Variants in CDHR2 observed in about 807,000 individuals in gnomAD.
The protein encoded by CDHR2 is cadherin related family member 2.
Under a neutral mutation model 138.6 loss-of-function variants are expected in CDHR2, and 104 were observed. The ratio of observed to expected loss-of-function variants is 0.75; its 90% CI spans 0.64 to 0.88. CDHR2 has a LOEUF of 0.88. CDHR2 is among the 40% of genes least tolerant of loss of function. CDHR2 has a pLI of 0.00. For synonymous variants in CDHR2, 755 were observed against 742.8 expected (o/e 1.02, Z -0.27); for missense variants, 1,624 against 1,727.6 (o/e 0.94, Z 1.06).
chr5:176,589,559 G>T lies in CDHR2; in HGVS notation c.3149G>T (p.Arg1050Leu). 1 of 1,614,080 alleles carries T rather than the reference G, an allele frequency of 6.2e-7. No individual in the cohort carries two copies. Among genetic ancestry groups the T allele is most frequent in the South Asian group, 1.1e-5 (1 of 91,090 alleles). ...ACCGTGGACCAGAGTTACCGCTCGC[G>T]GCTGCAGTTCTCCACACCGAAGGAG... Reference protein sequence around the residue: ...LFTVDQSYRSRLQFSTPKEEV... With the variant: ...LFTVDQSYRSLLQFSTPKEEV... Residue 1050 changes from arginine to leucine, a missense_variant, in exon 24 of 32, where the codon CGG becomes CTG. Transcript: ENST00000261944.
At chr5:176,585,090 T>C in intron 19 of CDHR2, 75 bp downstream of exon 19, 1 of 1,446,486 alleles carries the variant, frequency 6.9e-7, no homozygotes, top group African/African-American at 1.4e-5. Flanking sequence ...GGGCTGGAAC[T>C]CACAAGGTCT....
chr5:176,551,552 G>A (rs1374801446), intron 1 of CDHR2, among the ~76,000 whole-genome samples: 2 of 152,122 alleles, frequency 1.3e-5, no homozygotes, highest in Non-Finnish European at 2.9e-5. Context: ...GTGCAGTGGC[G>A]CGATCTCGGC....
chr5:176,595,562 C>A lies in CDHR2; in HGVS notation c.3823C>A (p.Pro1275Thr). ...CAGGCCACCACACACACCACCAGAG[C>A]CAGATCCAGAGCCCCTGAGCGTGGT... The part of the protein sequence containing the change: ...EHRPPHTPPE[P>T]DPEPLSVVLL... The change falls in exon 32 of 32, where the codon CCA (proline) becomes ACA (threonine). Residue 1275 changes from proline to threonine, a missense_variant. This residue lies in a region of CDHR2 where 556 missense variants were observed against 565.7 expected (regional missense o/e 0.98). Coordinates refer to ENST00000261944, the MANE Select transcript of CDHR2 (RefSeq NM_017675.6). 2 of 1,611,260 alleles carry A rather than the reference C, an allele frequency of 1.2e-6. No homozygotes were observed. Among genetic ancestry groups the A allele is most frequent in the Middle Eastern group, 1.7e-4 (1 of 6,042 alleles).
rs779101941 is a variant in CDHR2 at position 176,575,812 on chromosome 5, G to A, written c.933G>A (p.Ala311=). The A allele has an allele frequency of 2.4e-5, 38 of 1,553,148 alleles. 1 individual carries two copies. The highest frequency in any genetic ancestry group is 1.2e-4 in the East Asian group (5 of 41,126). ...GSLDREQLLE[A]DEEVQLQVTA... is the part of the protein sequence containing the mutation. ...TGGACCGTGAGCAGCTGCTGGAGGCGGATGAGGAGGTGCAGCTGCAGGTCA... is the reference window on the plus strand; with the variant it reads ...TGGACCGTGAGCAGCTGCTGGAGGCAGATGAGGAGGTGCAGCTGCAGGTCA... Residue 311 remains alanine, a synonymous_variant, in exon 11 of 32, where the codon GCG becomes GCA. Transcript: ENST00000261944.
At chr5:176,567,605 C>T (rs1758114365) in intron 3 of CDHR2, among the ~76,000 whole-genome samples, 1 of 152,150 alleles carries the variant, frequency 6.6e-6, no homozygotes, top group Non-Finnish European at 1.5e-5. Context: ...AATTCTCCTG[C>T]CTCAGCCTCC....
Position 176,575,593 on chromosome 5 carries a change from G to C in CDHR2, c.844+12G>C, listed in dbSNP as rs760127288. 1 of 1,613,822 alleles carries C rather than the reference G, an allele frequency of 6.2e-7. No homozygotes were observed. Among genetic ancestry groups the C allele is most frequent in the South Asian group, 1.1e-5 (1 of 91,086 alleles). ...CTACAGCATCTCCTGTGAGAACGGGGTGTCCCCAGGCCAGGGCTGGGCCGG... is the reference window on the plus strand; with the variant it reads ...CTACAGCATCTCCTGTGAGAACGGGCTGTCCCCAGGCCAGGGCTGGGCCGG... On this transcript the variant is annotated intron_variant, in intron 10 of 31. Transcript: ENST00000261944.
chr5:176,542,980 G>C (rs1298802977), intron 1 of CDHR2, among the ~76,000 whole-genome samples: 1 of 152,134 alleles, frequency 6.6e-6, no homozygotes, highest in African/African-American at 2.4e-5. Context: ...CTCGCCGGGG[G>C]TGGCGGTCGG....
intron 1 of CDHR2, among the ~76,000 whole-genome samples, chr5:176,554,284 G>C (rs1342999767): frequency 1.3e-5 from 2 of 152,202 alleles, no homozygotes; most frequent in African/African-American, 2.4e-5. Context: ...TCAGACCCTG[G>C]GGAGCGTGGA....
chr5:176,583,574 A>G (rs558777143), intron 17 of CDHR2, among the ~76,000 whole-genome samples: 1 of 152,208 alleles, frequency 6.6e-6, no homozygotes, highest in East Asian at 1.9e-4. Context: ...AGGCTGTGAC[A>G]ATAGTTGCAG....
At position 176,591,248 on chromosome 5, in the gene CDHR2, A is replaced by T. The variant is rs1323158491; in HGVS notation, c.3578A>T (p.Glu1193Val). 6.2e-7 allele frequency: 1 copy of T among 1,614,016 alleles called. No individual in the cohort carries two copies. The stretch of plus-strand genomic sequence containing the variant: ...CTTCAAGCTATGAAGGCTGCCAAGG[A>T]GGCCAGGAAGACAGCAGCAGGGGTG... Reference protein sequence around the residue: ...RKLQAMKAAKEARKTAAGVMP... With the variant: ...RKLQAMKAAKVARKTAAGVMP... The change falls in exon 29 of 32, where the codon GAG (glutamate) becomes GTG (valine). Residue 1193 changes from glutamate (E) to valine (V), a missense_variant. Glu to Val is a moderately radical substitution (Grantham distance 121, BLOSUM62 -2). Transcript: ENST00000261944.
chr5:176,546,981 CT>C (rs10719326), upstream of CDHR2, among the ~76,000 whole-genome samples: 126,760 of 136,356 alleles, frequency 0.93, 59,339 homozygotes, highest in South Asian at 0.99. Flanking sequence ...TCTTTTTGGT[CT>C]TTTTTTTTTT....
rs374600848 is a variant in CDHR2 at position 176,588,135 on chromosome 5, C to T, written c.2857-896C>T. On this transcript the variant is annotated intron_variant, in intron 21 of 31. Coordinates refer to ENST00000261944, the MANE Select transcript of CDHR2 (RefSeq NM_017675.6). ...GTCTACTAGGGGAATTGGTACTCCC[C>T]GCACGGAAATGAGGGATCCCAGGGG... 2.6e-5 allele frequency among the ~76,000 whole-genome samples: 4 copies of T among 152,246 alleles called. No individual in the cohort carries two copies. The South Asian group carries it at 6.2e-4, about 24-fold the overall frequency.
chr5:176,584,532 G>C lies in CDHR2; in HGVS notation c.2251G>C (p.Ala751Pro). The change falls in exon 19 of 32, where the codon GCT becomes CCT. Residue 751 changes from alanine to proline, a missense_variant. Coordinates refer to ENST00000261944, the MANE Select transcript of CDHR2 (RefSeq NM_017675.6). ...YFMIRGLVLG[A>P]GWAEGYLRLP... ...CATGATCCGAGGCTTGGTGCTGGGG[G>C]CTGGGTGGGCTGAGGGCTACCTCCG... 15 of 1,613,386 alleles carry C rather than the reference G, an allele frequency of 9.3e-6. No individual in the cohort carries two copies. Among genetic ancestry groups the C allele is most frequent in the Non-Finnish European group, 1.2e-5 (14 of 1,179,592 alleles).
rs999330008 is a variant in CDHR2, at chr5:176,575,853, C to T, written c.960+14C>T. On this transcript the variant is annotated intron_variant, in intron 11 of 31. Transcript: ENST00000261944. Reference sequence around the variant, plus strand: ...CTGCAGGTCACGGTGAGCAAAGGCCCCACCACCCCTGTCAGAACCCTGCTC... The same window carrying T: ...CTGCAGGTCACGGTGAGCAAAGGCCTCACCACCCCTGTCAGAACCCTGCTC... 2 of 1,543,456 alleles carry T rather than the reference C, an allele frequency of 1.3e-6. No homozygotes were observed. Among genetic ancestry groups the T allele is most frequent in the African/African-American group, 2.7e-5 (2 of 72,906 alleles).
At chr5:176,548,604 G>A (rs1252187269), upstream of CDHR2, among the ~76,000 whole-genome samples, 3 of 152,186 alleles carry the variant, frequency 2.0e-5, no homozygotes, top group South Asian at 6.2e-4. Context: ...TTAGCCGGGT[G>A]TGGAGGCCCA....
chr5:176,587,727 G>C (rs994387963), intron 21 of CDHR2, among the ~76,000 whole-genome samples: 4 of 152,158 alleles, frequency 2.6e-5, no homozygotes, highest in African/African-American at 9.7e-5. Context: ...AAAGGACATG[G>C]GTACAAGAGA....
rs1757517039 is a variant in CDHR2 at position 176,543,756 on chromosome 5, C to T, written c.-16+987C>T. The T allele has an allele frequency of 6.6e-6, 1 of 152,206 alleles. No individual in the cohort carries two copies. Among genetic ancestry groups the T allele is most frequent in the Non-Finnish European group, 1.5e-5 (1 of 68,050 alleles). The allele number at this position is 152,206 out of a possible 1,614,324, so 9.4% of individuals were successfully genotyped here. A position where few individuals can be genotyped will look rare whatever the true frequency, so the allele number is the denominator to read the frequency against. On this transcript the variant is annotated intron_variant, in intron 1 of 31. Coordinates refer to the CDHR2 transcript ENST00000510636. This position sits in a 1 kb window ranked among gnomAD's most constrained non-coding sequence, Gnocchi z 4.0. ...GTCTGGGGTCAGCAGATCTTGGTTC[C>T]CCGCTTTGGGCCATTCTCTGACCCT...
chr5:176,584,964 C>T lies in CDHR2; in HGVS notation c.2683C>T (p.Arg895Trp), dbSNP rs760000185. Residue 895 changes from arginine (R) to tryptophan (W), a missense_variant, in exon 19 of 32, where the codon CGG becomes TGG. Arg to Trp is a moderately radical substitution (Grantham distance 101, BLOSUM62 -3). Around this residue, in one of 3 missense-constraint regions of CDHR2, gnomAD observed 556 missense variants for 565.7 expected, o/e 0.98. Transcript: ENST00000261944. ...CTGTGACCTGGTCACGCTGGTTGTG[C>T]GGGCCTGTGACCTAGCCACGGACCC... ...EACDLVTLVV[R>W]ACDLATDPGF... is the part of the protein sequence containing the mutation. 1.7e-5 allele frequency: 27 copies of T among 1,565,562 alleles called. No homozygotes were observed. Among genetic ancestry groups the T allele is most frequent in the East Asian group, 1.7e-4 (7 of 41,566 alleles).
rs778140158 is a variant in CDHR2, at chr5:176,568,756, A to C, written c.203A>C (p.Tyr68Ser). 1.2e-6 allele frequency: 2 copies of C among 1,614,200 alleles called. No homozygotes were observed. Among genetic ancestry groups the C allele is most frequent in the South Asian group, 2.2e-5 (2 of 91,086 alleles). ...LTYGMSGPNA[Y>S]FFAVTPKTGE... ...TATGGGATGAGCGGCCCCAATGCCT[A>C]CTTCTTCGCTGTCACTCCGAAAACT... Residue 68 changes from tyrosine (Y) to serine (S), a missense_variant, in exon 4 of 32, where the codon TAC becomes TCC. Around this residue, in one of 3 missense-constraint regions of CDHR2, gnomAD observed 1,061 missense variants for 1,136.6 expected, o/e 0.93. Transcript: ENST00000261944.
Sources: allele counts gnomAD v4.1 joint callset (sites outside exome capture counted in the v4.1 genomes callset), GRCh38; gene constraint gnomAD v4.1.1; regional missense constraint gnomAD v4.1.1; non-coding constraint Gnocchi (gnomAD v3.1); transcripts MANE v1.5; gene names NCBI Gene and HGNC (gene_info 2026-07-23, HGNC 2026-07-21).